ASIC2: variants seen among roughly 807,000 people sequenced by gnomAD.
ASIC2 encodes the protein acid sensing ion channel subunit 2.
ASIC2 carries 25 observed loss-of-function variants against 57.3 expected under a neutral mutation model. That is an observed-to-expected ratio of 0.44 (90% confidence interval 0.32 to 0.61). ASIC2 has a LOEUF of 0.61. Ranked by LOEUF, ASIC2 falls within the 20% of genes least tolerant of loss-of-function variation. ASIC2 has a pLI of 0.06. For missense variants in ASIC2, 641 were observed against 738.1 expected, an observed-to-expected ratio of 0.87 and a Z score of 1.52; for synonymous variants, 319 against 307.5, an observed-to-expected ratio of 1.04 and a Z score of -0.39.
At chr17:33,095,607 G>A (rs1305768489) in intron 2 of ASIC2, among the ~76,000 whole-genome samples, 1 of 148,156 alleles carries the variant, frequency 6.7e-6, no homozygotes, top group Non-Finnish European at 1.5e-5. Flanking sequence ...GGGAGTTTGT[G>A]GCCAAGCTGG....
intron 1 of ASIC2, among the ~76,000 whole-genome samples, chr17:33,322,697 G>A (rs1164330501): frequency 9.2e-5 from 14 of 152,098 alleles, no homozygotes; most frequent in Admixed American, 9.2e-4. Flanking sequence ...AGACTGATAG[G>A]GGAGATGGGT....
chr17:33,327,168 G>A (rs144316766), intron 1 of ASIC2, among the ~76,000 whole-genome samples: 5 of 152,208 alleles, frequency 3.3e-5, no homozygotes, highest in Admixed American at 1.3e-4. Context: ...ACTTCTGACC[G>A]TATTGTTCCT....
chr17:33,252,567 G>A (rs570807628), intron 1 of ASIC2, among the ~76,000 whole-genome samples: 57 of 152,166 alleles, frequency 3.7e-4, no homozygotes, highest in African/African-American at 1.3e-3. Flanking sequence ...CCATAGGAAG[G>A]TGTGTGCCCA....
At chr17:33,157,619 C>T (rs879489238) in intron 1 of ASIC2, among the ~76,000 whole-genome samples, 2 of 152,208 alleles carry the variant, frequency 1.3e-5, no homozygotes, top group Non-Finnish European at 2.9e-5. Flanking sequence ...TGGGAAATCC[C>T]ACTGAATCTG....
intron 1 of ASIC2, among the ~76,000 whole-genome samples, chr17:33,816,170 A>AC (rs1555563856): frequency 8.3e-6 from 1 of 120,110 alleles, no homozygotes; most frequent in Non-Finnish European, 1.7e-5. Flanking sequence ...CACCAACTGA[A>AC]GGGGGGGCGG....
intron 1 of ASIC2, among the ~76,000 whole-genome samples, chr17:33,674,823 G>T (rs140506505): frequency 1.3e-5 from 2 of 152,154 alleles, no homozygotes. Context: ...GTAGCACAAA[G>T]AGCTCAGAAG....
intron 1 of ASIC2, chr17:33,828,096 T>C (rs1912995809): frequency 6.6e-6 from 1 of 152,232 alleles, no homozygotes. Context: ...GGTGTATATG[T>C]GCCACATTTT....
At chr17:34,090,920 T>C (rs1910309251) in intron 1 of ASIC2, among the ~76,000 whole-genome samples, 1 of 152,226 alleles carries the variant, frequency 6.6e-6, no homozygotes. Context: ...TGGGAGGAGC[T>C]AGCAGTCTTT....
intron 1 of ASIC2, among the ~76,000 whole-genome samples, chr17:34,152,870 G>A (rs2142145488): frequency 6.6e-6 from 1 of 152,250 alleles, no homozygotes; most frequent in Non-Finnish European, 1.5e-5. Flanking sequence ...GGTCAATGAG[G>A]CAACCTCCCT....
At chr17:33,713,122 T>A (rs571849669) in intron 1 of ASIC2, among the ~76,000 whole-genome samples, 1 of 152,314 alleles carries the variant, frequency 6.6e-6, no homozygotes, top group South Asian at 2.1e-4. Flanking sequence ...ATGCTTGCGC[T>A]ATTTATTAGG....
intron 1 of ASIC2, among the ~76,000 whole-genome samples, chr17:33,408,193 A>G (rs1567851224): frequency 6.6e-6 from 1 of 152,358 alleles, no homozygotes; most frequent in Middle Eastern, 3.4e-3. Context: ...TTATCTGTAA[A>G]AAAGAGAGAA....
chr17:33,868,904 A>T (rs549762733), intron 1 of ASIC2, among the ~76,000 whole-genome samples: 1 of 152,286 alleles, frequency 6.6e-6, no homozygotes, highest in African/African-American at 2.4e-5. Context: ...TCTCTACTAA[A>T]AATTAAAAAA....
chr17:33,909,648 G>A (rs1159156376), intron 1 of ASIC2, among the ~76,000 whole-genome samples: 1 of 152,160 alleles, frequency 6.6e-6, no homozygotes. Flanking sequence ...TCCTGGGAGA[G>A]CCCCATTAAC....
At chr17:33,488,327 CCA>C (rs1259731479) in intron 1 of ASIC2, among the ~76,000 whole-genome samples, 1 of 152,182 alleles carries the variant, frequency 6.6e-6, no homozygotes, top group African/African-American at 2.4e-5. Flanking sequence ...AGGCCATCCC[CCA>C]GTGTTAGGAA....
chr17:34,077,981 G>C (rs974063446), intron 1 of ASIC2, among the ~76,000 whole-genome samples: 19 of 152,126 alleles, frequency 1.2e-4, no homozygotes, highest in African/African-American at 4.6e-4. Flanking sequence ...TAGAGGGCCA[G>C]CTCTACTCTC....
intron 1 of ASIC2, among the ~76,000 whole-genome samples, chr17:33,471,098 T>C (rs1173127825): frequency 6.6e-6 from 1 of 152,188 alleles, no homozygotes; most frequent in Non-Finnish European, 1.5e-5. Context: ...TCTGTGTAAT[T>C]CTCTCCAATA....
intron 1 of ASIC2, among the ~76,000 whole-genome samples, chr17:33,795,614 C>T (rs1480083427): frequency 6.6e-6 from 1 of 152,230 alleles, no homozygotes. Flanking sequence ...CAGAGTGGTT[C>T]TGAGCATACC....
intron 1 of ASIC2, among the ~76,000 whole-genome samples, chr17:33,729,783 A>G (rs1301802267): frequency 6.6e-6 from 1 of 152,194 alleles, no homozygotes; most frequent in Non-Finnish European, 1.5e-5. Flanking sequence ...GGGAGTGTTG[A>G]CATATTAATG....
At chr17:33,402,169 G>A (rs1910308784) in intron 1 of ASIC2, among the ~76,000 whole-genome samples, 1 of 152,006 alleles carries the variant, frequency 6.6e-6, no homozygotes, top group Non-Finnish European at 1.5e-5. Context: ...AGATCTGAGG[G>A]GCCACACTGC....
Sources: gnomAD v4.1 joint callset for allele counts (sites outside exome capture counted in the v4.1 genomes callset) on GRCh38, gnomAD v4.1.1 for gene constraint, MANE v1.5 for transcripts, NCBI Gene and HGNC (gene_info 2026-07-23, HGNC 2026-07-21) for gene names.